The following DHDDS variants were observed in gnomAD, a reference collection of about 807,000 sequenced individuals.
DHDDS encodes the protein dehydrodolichyl diphosphate synthase subunit.
A neutral mutation model predicts 46.2 loss-of-function variants in DHDDS; 16 were observed. The observed-to-expected ratio is 0.35, with a 90% CI of 0.23 to 0.53. The LOEUF is 0.53. Ranked by LOEUF, DHDDS falls within the 20% of genes least tolerant of loss-of-function variation. The probability of loss-of-function intolerance (pLI) is 0.94; values close to 1 mark genes in which losing one functional copy is unlikely to be tolerated. For missense variants in DHDDS, 340 were observed against 423.7 expected (o/e 0.80, Z 1.73); for synonymous variants, 151 against 163.1 (o/e 0.93, Z 0.56).
intron 8 of DHDDS, among the ~76,000 whole-genome samples, chr1:26,460,453 A>G (rs1274122303): frequency 6.6e-6 from 1 of 152,250 alleles, no homozygotes; most frequent in Admixed American, 6.5e-5. Context: ...GATTTGAGCT[A>G]CAGGTCTTTT....
At position 26,446,358 on chromosome 1, in the gene DHDDS, C is replaced by T. The variant is rs774001400; in HGVS notation, c.366C>T (p.Gly122=). The T allele has an allele frequency of 4.3e-6, 7 of 1,613,936 alleles. No homozygotes were observed. The South Asian group carries it at 4.4e-5, about 10-fold the overall frequency. ...QKHGVCIRVL[G]DLHLLPLDLQ... is the part of the protein sequence containing the mutation. ...ATGGGGTGTGTATCCGGGTCCTGGG[C>T]GATCTGCACTTGTTGCCCTTGGATC... Residue 122 remains glycine, a synonymous_variant, in exon 5 of 9, where the codon GGC becomes GGT. Coordinates refer to ENST00000236342, the MANE Select transcript of DHDDS (RefSeq NM_205861.3).
intron 2 of DHDDS, among the ~76,000 whole-genome samples, chr1:26,436,491 T>G (rs1490082923): frequency 6.6e-6 from 1 of 152,072 alleles, no homozygotes; most frequent in African/African-American, 2.4e-5. Context: ...TGGCGCCATC[T>G]CGGCTTACTG....
chr1:26,457,535 AAAGAG>A (rs200093655), intron 6 of DHDDS, among the ~76,000 whole-genome samples: 243 of 147,738 alleles, frequency 1.6e-3, no homozygotes, highest in African/African-American at 5.2e-3. Flanking sequence ...AAAAAATAAA[AAAGAG>A]AAAAGAATTT....
chr1:26,469,431 T>C lies in DHDDS; in HGVS notation c.*300T>C. ...TCAGCTGCCTGTCTCTTAGATGCAC[T>C]TTCTTTTTCCACCAGCACATCCTTC... On this transcript the variant is annotated 3_prime_UTR_variant, in exon 9 of 9. Transcript: ENST00000236342. 2.0e-6 allele frequency: 1 copy of C among 502,116 alleles called. No homozygotes were observed. Among genetic ancestry groups the C allele is most frequent in the Non-Finnish European group, 3.6e-6 (1 of 274,260 alleles). The allele number at this position is 502,116 out of a possible 1,614,324, so 31.1% of individuals were successfully genotyped here. A position where few individuals can be genotyped will look rare whatever the true frequency, so the allele number is the denominator to read the frequency against.
rs1359254145 is a variant in DHDDS at position 26,447,589 on chromosome 1, A to G, written c.471A>G (p.Thr157=). 1 of 1,614,068 alleles carries G rather than the reference A, an allele frequency of 6.2e-7. No individual in the cohort carries two copies. Among genetic ancestry groups the G allele is most frequent in the Non-Finnish European group, 8.5e-7 (1 of 1,180,050 alleles). The part of the protein sequence containing the change: ...KCFLNVCFAY[T]SRHEISNAVR... The stretch of plus-strand genomic sequence containing the variant: ...TCCTGAATGTCTGTTTTGCATACAC[A>G]TCCCGTCATGAGATCAGCAATGCTG... The change falls in exon 6 of 9, where the codon ACA becomes ACG. Residue 157 remains threonine (T), a synonymous_variant. Coordinates refer to ENST00000236342, the MANE Select transcript of DHDDS (RefSeq NM_205861.3).
chr1:26,460,321 T>C (rs1425110828), intron 8 of DHDDS, among the ~76,000 whole-genome samples, 177 bp downstream of exon 8: 1 of 152,208 alleles, frequency 6.6e-6, no homozygotes, highest in Non-Finnish European at 1.5e-5. Context: ...TTTTACATGC[T>C]GCAACTCATT....
intron 6 of DHDDS, 96 bp from the exon 7 acceptor site, chr1:26,457,692 AACT>A: frequency 1.1e-6 from 1 of 902,768 alleles, no homozygotes; most frequent in South Asian, 1.3e-5. Context: ...GTATTGTATA[AACT>A]GAGAAGCCTA....
intron 6 of DHDDS, among the ~76,000 whole-genome samples, chr1:26,450,452 A>G (rs150263345): frequency 6.6e-6 from 1 of 152,320 alleles, no homozygotes; most frequent in East Asian, 1.9e-4. Context: ...CTGCCTGTTA[A>G]GGAGTGTAGA....
At chr1:26,449,192 A>G (rs1469600469) in intron 6 of DHDDS, among the ~76,000 whole-genome samples, 1 of 151,156 alleles carries the variant, frequency 6.6e-6, no homozygotes, top group Non-Finnish European at 1.5e-5. Flanking sequence ...TCCGCTTCCC[A>G]GGTTCCAGCA....
intron 2 of DHDDS, among the ~76,000 whole-genome samples, chr1:26,437,573 C>T (rs995539804): frequency 2.6e-5 from 4 of 151,646 alleles, no homozygotes; most frequent in Non-Finnish European, 5.9e-5. Context: ...TGGGTTCAAG[C>T]GATTCTCCTG....
At chr1:26,460,348 C>T (rs2075410325) in intron 8 of DHDDS, among the ~76,000 whole-genome samples, 1 of 152,062 alleles carries the variant, frequency 6.6e-6, no homozygotes. Context: ...TCCCAAGAAC[C>T]CAATGAGGGA....
At chr1:26,438,310 G>A in intron 3 of DHDDS, 26 bp downstream of exon 3, 45 of 1,599,148 alleles carry the variant, frequency 2.8e-5, no homozygotes, top group Non-Finnish European at 3.8e-5. Flanking sequence ...AGAGCCCAAA[G>A]TGAACAGTCT....
At chr1:26,447,770 C>T in intron 6 of DHDDS, 110 bp downstream of exon 6, 1 of 938,676 alleles carries the variant, frequency 1.1e-6, no homozygotes, top group Non-Finnish European at 1.7e-6. Flanking sequence ...GGGCAGTCCA[C>T]TTGAGGCAGG....
At chr1:26,461,352 T>C (rs1413747241) in intron 8 of DHDDS, among the ~76,000 whole-genome samples, 2 of 152,088 alleles carry the variant, frequency 1.3e-5, no homozygotes, top group Non-Finnish European at 2.9e-5. Flanking sequence ...TTGCATAGAA[T>C]TGTAAACTTA....
At chr1:26,456,046 C>T (rs777657226) in intron 6 of DHDDS, among the ~76,000 whole-genome samples, 1 of 152,142 alleles carries the variant, frequency 6.6e-6, no homozygotes, top group African/African-American at 2.4e-5. Context: ...TAAATGCTTC[C>T]ACTCACCAGT....
chr1:26,469,353 T>A lies in DHDDS; in HGVS notation c.*222T>A. ...GGGTGAAAGTCTCCCACGAGTACAC[T>A]AAACCTAGGTCTGGTCACCAATAGG... On this transcript the variant is annotated 3_prime_UTR_variant, in exon 9 of 9. Coordinates refer to ENST00000236342, the MANE Select transcript of DHDDS (RefSeq NM_205861.3). The A allele has an allele frequency of 1.3e-6, 1 of 764,080 alleles. No homozygotes were observed. The highest frequency in any genetic ancestry group is 2.1e-6 in the Non-Finnish European group (1 of 474,150). 47.3% of individuals were successfully genotyped at this position (764,080 alleles called of 1,614,324 possible).
At chr1:26,435,433 T>C (rs1271528642) in intron 2 of DHDDS, among the ~76,000 whole-genome samples, 2 of 39,108 alleles carry the variant, frequency 5.1e-5, no homozygotes, top group Non-Finnish European at 9.2e-5. Context: ...TTAGTGCCTT[T>C]TTTTTTTTTT....
intron 7 of DHDDS, among the ~76,000 whole-genome samples, chr1:26,458,306 A>G (rs968797648): frequency 1.3e-5 from 2 of 152,200 alleles, no homozygotes; most frequent in Non-Finnish European, 2.9e-5. Context: ...ACAATATGCA[A>G]ACACTCAAGT....
rs142719437 is a variant in DHDDS at position 26,453,623 on chromosome 1, A to G, written c.543-4168A>G. ...ACAAAAATTACCTGAGTGTGGTGGC[A>G]TGCACCTATAGTCACAGCTACTTGG... is the stretch of plus-strand genomic sequence containing the variant. On this transcript the variant is annotated intron_variant, in intron 6 of 8. Coordinates refer to ENST00000236342, the MANE Select transcript of DHDDS (RefSeq NM_205861.3). 5.5e-3 allele frequency among the ~76,000 whole-genome samples: 833 copies of G among 152,140 alleles called. 3 individuals carry two copies. Among genetic ancestry groups the G allele is most frequent in the Non-Finnish European group, 8.6e-3 (582 of 67,988 alleles).
Sources: gnomAD v4.1 joint callset for allele counts (sites outside exome capture counted in the v4.1 genomes callset) on GRCh38, gnomAD v4.1.1 for gene constraint, MANE v1.5 for transcripts, NCBI Gene and HGNC (gene_info 2026-07-23, HGNC 2026-07-21) for gene names.